SENP7: variants seen among roughly 807,000 people sequenced by gnomAD.
SENP7 encodes the protein sentrin-specific protease 7.
SENP7 carries 64 observed loss-of-function variants against 141.2 expected under a neutral mutation model. The observed-to-expected ratio is 0.45, with a 90% CI of 0.37 to 0.56. The LOEUF is 0.56. Ranked by LOEUF, SENP7 falls within the 20% of genes least tolerant of loss-of-function variation. The pLI is 0.00. For synonymous variants in SENP7, 382 were observed against 426.4 expected (o/e 0.90, Z 1.28); for missense variants, 1,025 against 1,212.2 (o/e 0.85, Z 2.29).
In SENP7 at chr3:101,325,221, G is replaced by C. The variant is rs1006028213; in HGVS notation, c.*722C>G. On this transcript the variant is annotated 3_prime_UTR_variant, in exon 24 of 24. Transcript: ENST00000394095. Reference sequence around the variant, plus strand: ...ATTTTTAAAAAACTATTTTGCACAGGTAAAATTTTTTGTTTCAAATTTTAC... The same window carrying C: ...ATTTTTAAAAAACTATTTTGCACAGCTAAAATTTTTTGTTTCAAATTTTAC... 3.3e-5 allele frequency: 5 copies of C among 150,976 alleles called. No homozygotes were observed. The highest frequency in any genetic ancestry group is 7.4e-5 in the Non-Finnish European group (5 of 67,792). The allele number at this position is 150,976 out of a possible 1,614,324, so 9.4% of individuals were successfully genotyped here. A position where few individuals can be genotyped will look rare whatever the true frequency, so the allele number is the denominator to read the frequency against.
At chr3:101,402,615 T>TAAA (rs1299827987) in intron 5 of SENP7, among the ~76,000 whole-genome samples, 1 of 5,292 alleles carries the variant, frequency 1.9e-4, no homozygotes, top group African/African-American at 7.1e-4. Flanking sequence ...AGACTCCGTC[T>TAAA]CAAAAAAAAA....
intron 15 of SENP7, 85 bp from the exon 16 acceptor site, chr3:101,340,296 C>A: frequency 7.0e-7 from 1 of 1,431,316 alleles, no homozygotes; most frequent in Non-Finnish European, 9.3e-7. Context: ...AATAACTGGG[C>A]AGTGGTATTC....
At chr3:101,442,690 G>T (rs547553760) in intron 4 of SENP7, among the ~76,000 whole-genome samples, 1 of 152,082 alleles carries the variant, frequency 6.6e-6, no homozygotes, top group African/African-American at 2.4e-5. Context: ...AATCAACACA[G>T]AGATAGGTAT....
At chr3:101,471,531 C>T (rs1254305885) in intron 3 of SENP7, among the ~76,000 whole-genome samples, 3 of 152,094 alleles carry the variant, frequency 2.0e-5, no homozygotes, top group Middle Eastern at 3.2e-3. Flanking sequence ...CAATGTTAGA[C>T]CTAAAACCAT....
chr3:101,511,759 G>C (rs1033897498), intron 1 of SENP7, among the ~76,000 whole-genome samples: 1 of 152,192 alleles, frequency 6.6e-6, no homozygotes, highest in Non-Finnish European at 1.5e-5. Context: ...AAAGCAGTTT[G>C]AGATGCACTG....
intron 12 of SENP7, 143 bp downstream of exon 12, chr3:101,351,475 G>A: frequency 1.8e-6 from 1 of 568,608 alleles, no homozygotes; most frequent in Non-Finnish European, 2.7e-6. Context: ...ACGATTTTCA[G>A]AACAAGTCCA....
intron 4 of SENP7, among the ~76,000 whole-genome samples, chr3:101,448,438 A>G (rs945755150): frequency 2.6e-5 from 4 of 152,238 alleles, no homozygotes; most frequent in African/African-American, 9.6e-5. Context: ...TGAGTAGACA[A>G]TTCTCAAAAT....
At chr3:101,463,398 CATATATATATAT>C in intron 3 of SENP7, among the ~76,000 whole-genome samples, 1 of 58,716 alleles carries the variant, frequency 1.7e-5, no homozygotes, top group East Asian at 5.3e-4. Context: ...TATATATATA[CATATATATATAT>C]ATATATACAC....
chr3:101,499,535 A>ATTTTTTTTTTTTTTTTTTTTTTTTTTTT lies in SENP7; in HGVS notation c.90+1534_90+1535insAAAAAAAAAAAAAAAAAAAAAAAAAAAA, dbSNP rs55855998. ...AGGCACCTGCCATCATGCCCAGCTAATTTTTTTTTTTTTTCTTGGAGACAG... is the reference window on the plus strand; with the variant it reads ...AGGCACCTGCCATCATGCCCAGCTAATTTTTTTTTTTTTTTTTTTTTTTTTTTTTTTTTTTTTTTTTTCTTGGAGACAG... On this transcript the variant is annotated intron_variant, in intron 2 of 23. Transcript: ENST00000394095. Among the ~76,000 whole-genome samples the ATTTTTTTTTTTTTTTTTTTTTTTTTTTT allele has an allele frequency of 1.4e-4, 20 of 138,802 alleles. 2 individuals are homozygous for ATTTTTTTTTTTTTTTTTTTTTTTTTTTT. Among genetic ancestry groups the ATTTTTTTTTTTTTTTTTTTTTTTTTTTT allele is most frequent in the African/African-American group, 2.7e-4 (10 of 36,722 alleles). The allele number at this position is 138,802 out of a possible 152,430, so 91.1% of individuals were successfully genotyped here. A position where few individuals can be genotyped will look rare whatever the true frequency, so the allele number is the denominator to read the frequency against.
At chr3:101,393,165 C>T (rs933777468) in intron 6 of SENP7, among the ~76,000 whole-genome samples, 9 of 152,218 alleles carry the variant, frequency 5.9e-5, no homozygotes, top group African/African-American at 2.2e-4. Flanking sequence ...AACTATACCC[C>T]TATTTCTCAC....
rs142908240 is a variant in SENP7 at position 101,390,868 on chromosome 3, T to C, written c.677+7993A>G. Among the ~76,000 whole-genome samples, 4 of 152,266 alleles carry C rather than the reference T, an allele frequency of 2.6e-5. No homozygotes were observed. In the East Asian group the frequency reaches 5.8e-4, roughly 22 times the overall value. On this transcript the variant is annotated intron_variant, in intron 6 of 23. Transcript: ENST00000394095. ...TGTTAAGACACAAAACAAATCTCAATAACTTTTTAAAAATCAAAATCATAT... is the reference window on the plus strand; with the variant it reads ...TGTTAAGACACAAAACAAATCTCAACAACTTTTTAAAAATCAAAATCATAT...
At chr3:101,400,683 AG>A (rs2061109778) in intron 5 of SENP7, among the ~76,000 whole-genome samples, 1 of 150,794 alleles carries the variant, frequency 6.6e-6, no homozygotes, top group Admixed American at 6.7e-5. Context: ...CTCTCTCCTC[AG>A]GCCTCCTCCC....
In SENP7 at chr3:101,463,402, T is replaced by TATATATATATATACAC. The variant is rs1553744833; in HGVS notation, c.187-4351_187-4350insGTGTATATATATATAT. The stretch of plus-strand genomic sequence containing the variant: ...ATATATATATATATATATATACATA[T>TATATATATATATACAC]ATATATATATATATACACACACATA... On this transcript the variant is annotated intron_variant, in intron 3 of 23. Coordinates refer to ENST00000394095, the MANE Select transcript of SENP7 (RefSeq NM_020654.5). Among the ~76,000 whole-genome samples, 308 of 101,062 alleles carry TATATATATATATACAC rather than the reference T, an allele frequency of 3.0e-3. 4 individuals carry two copies. Among genetic ancestry groups the TATATATATATATACAC allele is most frequent in the African/African-American group, 9.7e-3 (246 of 25,474 alleles). 66.3% of individuals were successfully genotyped at this position (101,062 alleles called of 152,430 possible). A position where few individuals can be genotyped will look rare whatever the true frequency, so the allele number is the denominator to read the frequency against.
At chr3:101,498,564 A>G (rs760309339) in intron 2 of SENP7, among the ~76,000 whole-genome samples, 25 of 152,342 alleles carry the variant, frequency 1.6e-4, no homozygotes, top group Middle Eastern at 3.4e-3. Context: ...AAAAAGACTG[A>G]AGAATTGTCA....
At chr3:101,425,418 A>G (rs533355769) in intron 4 of SENP7, among the ~76,000 whole-genome samples, 8 of 152,246 alleles carry the variant, frequency 5.3e-5, no homozygotes, top group African/African-American at 1.9e-4. Flanking sequence ...GGTACCCTAA[A>G]ATCTTCCAGA....
intron 6 of SENP7, among the ~76,000 whole-genome samples, chr3:101,394,634 T>A (rs1266334940): frequency 6.6e-6 from 1 of 152,098 alleles, no homozygotes; most frequent in Non-Finnish European, 1.5e-5. Context: ...TGCCTCAGCC[T>A]CCCGAGTAGC....
chr3:101,384,160 G>A (rs2060587128), intron 6 of SENP7, among the ~76,000 whole-genome samples: 1 of 152,200 alleles, frequency 6.6e-6, no homozygotes, highest in Admixed American at 6.5e-5. Flanking sequence ...ATCCACTTCA[G>A]GTCTCCTGAG....
Position 101,474,280 on chromosome 3 carries a change from G to A in SENP7, c.187-15228C>T, listed in dbSNP as rs150523499. On this transcript the variant is annotated intron_variant, in intron 3 of 23. Transcript: ENST00000394095. The stretch of plus-strand genomic sequence containing the variant: ...GCATTAAATCTATAAATTGCTTTGG[G>A]CAGTATGGCCATTTTAAAAATATTG... 2.3e-4 allele frequency among the ~76,000 whole-genome samples: 35 copies of A among 152,304 alleles called. No individual in the cohort carries two copies. In the East Asian group the frequency reaches 6.6e-3, roughly 29 times the overall value.
rs759091024 is a variant in SENP7, at chr3:101,343,966, A to C, written c.1838-12T>G. On this transcript the variant is annotated splice_polypyrimidine_tract_variant and intron_variant, in intron 13 of 23. Transcript: ENST00000394095. The stretch of plus-strand genomic sequence containing the variant: ...TTCACTAGATTTTGCTACAAAAGGA[A>C]AAAATAATTTGTATCAATAGTATTA... 6.7e-7 allele frequency: 1 copy of C among 1,499,180 alleles called. No homozygotes were observed. The highest frequency in any genetic ancestry group is 9.0e-7 in the Non-Finnish European group (1 of 1,108,690). 92.9% of individuals were successfully genotyped at this position (1,499,180 alleles called of 1,614,324 possible). A position where few individuals can be genotyped will look rare whatever the true frequency, so the allele number is the denominator to read the frequency against.
Sources: gnomAD v4.1 joint callset for allele counts (sites outside exome capture counted in the v4.1 genomes callset) on GRCh38, gnomAD v4.1.1 for gene constraint, MANE v1.5 for transcripts, NCBI Gene and HGNC (gene_info 2026-07-23, HGNC 2026-07-21) for gene names.